ABCA9: variants seen among roughly 807,000 people sequenced by gnomAD.
ABCA9 encodes the protein ATP-binding cassette sub-family A member 9.
ABCA9 carries 183 observed loss-of-function variants against 205.3 expected under a neutral mutation model. The observed-to-expected ratio is 0.89, with a 90% CI of 0.79 to 1.01. ABCA9 has a LOEUF of 1.01. ABCA9 is among the 50% of genes least tolerant of loss of function. The probability of loss-of-function intolerance (pLI) is 0.00; values close to 1 mark genes in which losing one functional copy is unlikely to be tolerated. For missense variants in ABCA9, 1,805 were observed against 1,912.4 expected, an observed-to-expected ratio of 0.94 and a Z score of 1.05; for synonymous variants, 651 against 683.3, an observed-to-expected ratio of 0.95 and a Z score of 0.74.
At chr17:68,993,350 A>C (rs1009523817) in intron 26 of ABCA9, among the ~76,000 whole-genome samples, 4 of 152,190 alleles carry the variant, frequency 2.6e-5, no homozygotes, top group African/African-American at 9.7e-5. Context: ...TGGTGCTGGC[A>C]GGATCCTTTG....
intron 37 of ABCA9, among the ~76,000 whole-genome samples, chr17:68,981,383 A>G (rs985111994): frequency 1.3e-5 from 2 of 152,094 alleles, no homozygotes; most frequent in African/African-American, 4.8e-5. Context: ...AAAAGCCTCT[A>G]GGGAGGCAGC....
chr17:69,018,350 T>A (rs1374198613), intron 20 of ABCA9, 63 bp downstream of exon 20: 1 of 1,361,098 alleles, frequency 7.3e-7, no homozygotes, highest in Non-Finnish European at 9.7e-7. Flanking sequence ...CTGTTCATGT[T>A]TTTTGGGGGG....
At chr17:69,024,074 T>C (rs938187906) in intron 17 of ABCA9, 140 bp downstream of exon 17, 6 of 897,094 alleles carry the variant, frequency 6.7e-6, no homozygotes, top group African/African-American at 1.7e-5. Context: ...ATAAGTGACC[T>C]TGGAGTTGGG....
At position 69,049,337 on chromosome 17, in the gene ABCA9, A is replaced by T; in HGVS notation, c.250T>A (p.Ser84Thr). 6.2e-7 allele frequency: 1 copy of T among 1,613,324 alleles called. No individual in the cohort carries two copies. Among genetic ancestry groups the T allele is most frequent in the Non-Finnish European group, 8.5e-7 (1 of 1,179,564 alleles). Residue 84 changes from serine to threonine, a missense_variant, in exon 3 of 39, where the codon TCC becomes ACC. Coordinates refer to ENST00000340001, the MANE Select transcript of ABCA9 (RefSeq NM_080283.4). ...TTCATTATCTCTTGGGTAGTTTTGG[A>T]TTCAGGTGCAAATGCAATAACATAA... ...TNYVIAFAPE[S>T]KTTQEIMNKV...
intron 3 of ABCA9, among the ~76,000 whole-genome samples, chr17:69,046,754 G>A (rs958625368): frequency 4.0e-5 from 6 of 150,486 alleles, no homozygotes; most frequent in Non-Finnish European, 5.9e-5. Context: ...ATTTCTTTTT[G>A]GATTTTATAA....
At chr17:69,028,118 T>C (rs1390096051) in intron 12 of ABCA9, among the ~76,000 whole-genome samples, 1 of 152,198 alleles carries the variant, frequency 6.6e-6, no homozygotes, top group Non-Finnish European at 1.5e-5. Flanking sequence ...CTAAAATTTT[T>C]CTCTTATATA....
At chr17:69,005,589 A>G (rs1370236510) in intron 25 of ABCA9, among the ~76,000 whole-genome samples, 2 of 152,236 alleles carry the variant, frequency 1.3e-5, no homozygotes, top group African/African-American at 4.8e-5. Flanking sequence ...TAGACTTAGG[A>G]AAAGCTCCGT....
the ABCA9 span, among the ~76,000 whole-genome samples, chr17:69,068,871 G>C: frequency 6.6e-6 from 1 of 152,148 alleles, no homozygotes; most frequent in Admixed American, 6.5e-5. Flanking sequence ...GACAACTCAA[G>C]TATCAAACAG....
chr17:69,061,937 T>C (rs1481686452), upstream of ABCA9, among the ~76,000 whole-genome samples: 1 of 152,216 alleles, frequency 6.6e-6, no homozygotes, highest in Non-Finnish European at 1.5e-5. Flanking sequence ...AAACAATAAA[T>C]GCATGCAATT....
chr17:69,004,222 TTC>T (rs1283876656), intron 25 of ABCA9, among the ~76,000 whole-genome samples: 7 of 152,230 alleles, frequency 4.6e-5, no homozygotes, highest in African/African-American at 1.2e-4. Flanking sequence ...AGTTTTTCTG[TTC>T]TGTTTTTTCC....
chr17:69,010,319 G>A (rs12103695), intron 23 of ABCA9, among the ~76,000 whole-genome samples: 8,185 of 152,008 alleles, frequency 0.054, 739 homozygotes, highest in African/African-American at 0.19. Flanking sequence ...AAATATTTGC[G>A]CTGAGATCTG....
chr17:69,023,260 G>C lies in ABCA9; in HGVS notation c.2281+954C>G, dbSNP rs1468316933. The C allele has an allele frequency of 6.6e-6, 1 of 152,132 alleles. No homozygotes were observed. Among genetic ancestry groups the C allele is most frequent in the Non-Finnish European group, 1.5e-5 (1 of 68,016 alleles). The allele number at this position is 152,132 out of a possible 1,614,324, so 9.4% of individuals were successfully genotyped here. A position where few individuals can be genotyped will look rare whatever the true frequency, so the allele number is the denominator to read the frequency against. On this transcript the variant is annotated intron_variant, in intron 17 of 38. Transcript: ENST00000340001. This position sits in a 1 kb window ranked among gnomAD's most constrained non-coding sequence, Gnocchi z 4.2. ...AAATACCATAGGTTCTGCATGTCAG[G>C]TATTGTTCCAGTGCTTTATTTATAT...
At chr17:69,067,879 C>A in the ABCA9 span, among the ~76,000 whole-genome samples, 1 of 152,060 alleles carries the variant, frequency 6.6e-6, no homozygotes, top group African/African-American at 2.4e-5. Context: ...CTGTTGGGGG[C>A]AGTACATAAA....
At chr17:69,044,422 T>C in intron 5 of ABCA9, 75 bp downstream of exon 5, 1 of 1,245,752 alleles carries the variant, frequency 8.0e-7, no homozygotes, top group Non-Finnish European at 1.2e-6. Flanking sequence ...AATGATAGAA[T>C]AGGATAATCC....
chr17:69,032,375 C>T, intron 9 of ABCA9, 99 bp from the exon 10 acceptor site: 5 of 1,097,170 alleles, frequency 4.6e-6, no homozygotes, highest in Non-Finnish European at 6.5e-6. Context: ...CCTGAACCCA[C>T]ATTATCATAT....
At chr17:69,067,268 A>G in the ABCA9 span, among the ~76,000 whole-genome samples, 2 of 152,016 alleles carry the variant, frequency 1.3e-5, no homozygotes, top group East Asian at 1.9e-4. Flanking sequence ...TTGAATTTAT[A>G]AAAGAAAGTC....
At chr17:68,979,638 C>G (rs1193403841) in intron 37 of ABCA9, among the ~76,000 whole-genome samples, 4 of 152,088 alleles carry the variant, frequency 2.6e-5, no homozygotes, top group Admixed American at 2.6e-4. Flanking sequence ...CACATATCTA[C>G]AACTATCTGA....
chr17:68,984,757 T>C (rs1276869002), intron 34 of ABCA9, 128 bp downstream of exon 34: 2 of 1,225,304 alleles, frequency 1.6e-6, no homozygotes, highest in African/African-American at 1.5e-5. Context: ...AATCAGATAA[T>C]TTTTTTTCCT....
intron 3 of ABCA9, among the ~76,000 whole-genome samples, chr17:69,046,642 T>C (rs993907859): frequency 6.6e-6 from 1 of 151,748 alleles, no homozygotes; most frequent in Non-Finnish European, 1.5e-5. Context: ...GGATATGTGC[T>C]TGTATTTTCT....
Sources: allele counts gnomAD v4.1 joint callset (sites outside exome capture counted in the v4.1 genomes callset), GRCh38; gene constraint gnomAD v4.1.1; non-coding constraint Gnocchi (gnomAD v3.1); transcripts MANE v1.5; gene names NCBI Gene and HGNC (gene_info 2026-07-23, HGNC 2026-07-21).